The following NTF3 variants were observed in gnomAD, a reference collection of about 807,000 sequenced individuals.
NTF3 encodes the protein neurotrophin-3.
Under a neutral mutation model 26.3 loss-of-function variants are expected in NTF3, and 8 were observed. That is an observed-to-expected ratio of 0.30 (90% confidence interval 0.18 to 0.55). The LOEUF (loss-of-function observed/expected upper bound fraction) is 0.55. Ranked by LOEUF, NTF3 falls within the 20% of genes least tolerant of loss-of-function variation. The probability of loss-of-function intolerance (pLI) is 0.93; values close to 1 mark genes in which losing one functional copy is unlikely to be tolerated. For missense variants in NTF3, 276 were observed against 352.9 expected (o/e 0.78, Z 1.75); for synonymous variants, 154 against 145.5 (o/e 1.06, Z -0.42).
In NTF3 at chr12:5,478,879, C is replaced by T. The variant is rs193291028; in HGVS notation, c.19-15315C>T. On this transcript the variant is annotated intron_variant, in intron 1 of 1. Transcript: ENST00000423158. ...ATGTGCCCAGCACAATGTCAGGGCACATTTCTACACAATGTTGGATTCCAG... is the reference window on the plus strand; with the variant it reads ...ATGTGCCCAGCACAATGTCAGGGCATATTTCTACACAATGTTGGATTCCAG... Among the ~76,000 whole-genome samples, 33 of 152,336 alleles carry T rather than the reference C, an allele frequency of 2.2e-4. 1 individual carries two copies. The East Asian group carries it at 5.8e-3, about 27-fold the overall frequency.
At chr12:5,479,799 T>C (rs900763505) in intron 1 of NTF3, among the ~76,000 whole-genome samples, 2 of 152,228 alleles carry the variant, frequency 1.3e-5, no homozygotes, top group African/African-American at 2.4e-5. Context: ...AGATAGCCGA[T>C]GGCTCAGCCA....
At chr12:5,478,265 C>A (rs1321222177) in intron 1 of NTF3, among the ~76,000 whole-genome samples, 1 of 152,218 alleles carries the variant, frequency 6.6e-6, no homozygotes, top group African/African-American at 2.4e-5. Flanking sequence ...TGAGGTCCAC[C>A]TGCAAGACTA....
At position 5,465,131 on chromosome 12, in the gene NTF3, G is replaced by A. The variant is rs61907700; in HGVS notation, c.19-29063G>A. 8.2e-3 allele frequency among the ~76,000 whole-genome samples: 1,249 copies of A among 152,248 alleles called. 7 individuals are homozygous for A. Among genetic ancestry groups the A allele is most frequent in the Non-Finnish European group, 0.013 (888 of 68,010 alleles). On this transcript the variant is annotated intron_variant, in intron 1 of 1. Transcript: ENST00000423158. ...CCATATGTCCAAGCTCACATCTCCC[G>A]CCCTCAGTCCAGGGCTTCTCCCCAC...
intron 1 of NTF3, among the ~76,000 whole-genome samples, chr12:5,471,019 A>G (rs1940658711): frequency 6.6e-6 from 1 of 151,204 alleles, no homozygotes; most frequent in Non-Finnish European, 1.5e-5. Flanking sequence ...GTTTCCATTC[A>G]TTTTCTGCAT....
At chr12:5,487,934 G>A (rs533829981) in intron 1 of NTF3, among the ~76,000 whole-genome samples, 1 of 152,272 alleles carries the variant, frequency 6.6e-6, no homozygotes, top group East Asian at 1.9e-4. Context: ...AGGTTTTGGG[G>A]ACCATCTCTG....
intron 1 of NTF3, among the ~76,000 whole-genome samples, chr12:5,470,032 C>A (rs1420956084): frequency 1.3e-5 from 2 of 152,224 alleles, no homozygotes; most frequent in African/African-American, 4.8e-5. Context: ...TCACTCCATT[C>A]TCCTACCTCA....
intron 1 of NTF3, among the ~76,000 whole-genome samples, chr12:5,482,935 G>A (rs572229476): frequency 4.1e-5 from 6 of 144,716 alleles, no homozygotes; most frequent in East Asian, 2.0e-4. Flanking sequence ...TCCTTCTCTC[G>A]GTTCTGTATC....
chr12:5,433,318 C>G lies in NTF3; in HGVS notation c.18+976C>G, dbSNP rs1032824269. On this transcript the variant is annotated intron_variant, in intron 1 of 1. Transcript: ENST00000423158. This position sits in a 1 kb window ranked among gnomAD's most constrained non-coding sequence, Gnocchi z 4.6. ...TGGGAGGCCGGGAGACCTGGGCACC[C>G]GCGCAGCCAGCCAGGTCGGAGTTTA... 6 of 152,534 alleles carry G rather than the reference C, an allele frequency of 3.9e-5. No individual in the cohort carries two copies. The highest frequency in any genetic ancestry group is 8.8e-5 in the Non-Finnish European group (6 of 68,296). The allele number at this position is 152,534 out of a possible 1,614,324, so 9.4% of individuals were successfully genotyped here.
intron 1 of NTF3, among the ~76,000 whole-genome samples, chr12:5,445,906 A>C (rs1306663079): frequency 6.6e-6 from 1 of 152,194 alleles, no homozygotes; most frequent in Non-Finnish European, 1.5e-5. Flanking sequence ...AAAATCCAGC[A>C]TTTGCCTGAG....
At chr12:5,445,094 T>C (rs1940287245) in intron 1 of NTF3, among the ~76,000 whole-genome samples, 1 of 152,176 alleles carries the variant, frequency 6.6e-6, no homozygotes, top group African/African-American at 2.4e-5. Flanking sequence ...AAAAAGAAGA[T>C]GGCTTTTGAA....
intron 1 of NTF3, among the ~76,000 whole-genome samples, chr12:5,464,499 A>T (rs1292334983): frequency 6.6e-6 from 1 of 152,236 alleles, no homozygotes; most frequent in East Asian, 1.9e-4. Context: ...TCAATCAAAA[A>T]TGTACTTTTG....
intron 1 of NTF3, among the ~76,000 whole-genome samples, chr12:5,443,922 T>A (rs1940271689): frequency 6.6e-6 from 1 of 152,168 alleles, no homozygotes; most frequent in African/African-American, 2.4e-5. Flanking sequence ...AGAAAGATAT[T>A]TTAGACTGTG....
At chr12:5,437,438 C>T (rs1940181656) in intron 1 of NTF3, among the ~76,000 whole-genome samples, 1 of 151,734 alleles carries the variant, frequency 6.6e-6, no homozygotes, top group Non-Finnish European at 1.5e-5. Flanking sequence ...ATCAGATGTT[C>T]AGGCCTCTCC....
chr12:5,459,125 T>C (rs1250174577), intron 1 of NTF3, among the ~76,000 whole-genome samples: 1 of 152,198 alleles, frequency 6.6e-6, no homozygotes, highest in African/African-American at 2.4e-5. Context: ...ACTGCAGTTG[T>C]GTTCTTCCTC....
chr12:5,449,037 C>A lies in NTF3; in HGVS notation c.18+16695C>A, dbSNP rs144562658. Among the ~76,000 whole-genome samples, 95 of 152,298 alleles carry A rather than the reference C, an allele frequency of 6.2e-4. No homozygotes were observed. In the East Asian group the frequency reaches 0.016, roughly 25 times the overall value. ...TAGTACATGTAGGGAAATAAGACAA[C>A]CCCTATTGAATATCACTCAAGATGG... On this transcript the variant is annotated intron_variant, in intron 1 of 1. Coordinates refer to ENST00000423158, the MANE Select transcript of NTF3 (RefSeq NM_001102654.2).
At chr12:5,474,709 T>C (rs1313104412) in intron 1 of NTF3, among the ~76,000 whole-genome samples, 1 of 151,896 alleles carries the variant, frequency 6.6e-6, no homozygotes, top group Non-Finnish European at 1.5e-5. Context: ...GAGGGCAAAA[T>C]AGGGTCTCGG....
At chr12:5,454,767 G>A (rs912125849) in intron 1 of NTF3, among the ~76,000 whole-genome samples, 1 of 152,240 alleles carries the variant, frequency 6.6e-6, no homozygotes. Flanking sequence ...TGGAAAGCAA[G>A]GAGGACAGCG....
chr12:5,455,350 T>C (rs1432951539), intron 1 of NTF3, among the ~76,000 whole-genome samples: 1 of 152,192 alleles, frequency 6.6e-6, no homozygotes, highest in African/African-American at 2.4e-5. Flanking sequence ...GCCAAGCTTC[T>C]TGAGCGTAAC....
chr12:5,440,605 G>A (rs1399672093), intron 1 of NTF3, among the ~76,000 whole-genome samples: 1 of 152,210 alleles, frequency 6.6e-6, no homozygotes, highest in Non-Finnish European at 1.5e-5. Context: ...CCATGGTGGG[G>A]AAGAAGCCCA....
Sources: allele counts gnomAD v4.1 joint callset (sites outside exome capture counted in the v4.1 genomes callset), GRCh38; gene constraint gnomAD v4.1.1; non-coding constraint Gnocchi (gnomAD v3.1); transcripts MANE v1.5; gene names NCBI Gene and HGNC (gene_info 2026-07-23, HGNC 2026-07-21).